Variants in NTM observed in about 807,000 individuals in gnomAD.
The protein encoded by NTM is neurotrimin, also known as IgLON family member 2.
A neutral mutation model predicts 42.1 loss-of-function variants in NTM; 13 were observed. That is an observed-to-expected ratio of 0.31 (90% CI 0.20 to 0.49). NTM has a LOEUF of 0.49. Ranked by LOEUF, NTM falls within the 20% of genes least tolerant of loss-of-function variation. The probability of loss-of-function intolerance (pLI) is 0.99; values close to 1 mark genes in which losing one functional copy is unlikely to be tolerated. For synonymous variants in NTM, 187 were observed against 179.2 expected, an observed-to-expected ratio of 1.04 and a Z score of -0.35; for missense variants, 373 against 452.8, an observed-to-expected ratio of 0.82 and a Z score of 1.60.
intron 2 of NTM, 65 bp downstream of exon 2, chr11:131,911,713 G>C: frequency 6.3e-7 from 1 of 1,596,216 alleles, no homozygotes; most frequent in Non-Finnish European, 8.6e-7. Flanking sequence ...GGGCAGGGGT[G>C]CAGGTGTGTG....
intron 1 of NTM, among the ~76,000 whole-genome samples, chr11:131,728,353 C>T (rs952104903): frequency 1.3e-5 from 2 of 152,182 alleles, no homozygotes; most frequent in African/African-American, 4.8e-5. Context: ...GCTACTATGG[C>T]TCACAGAACT....
chr11:132,183,992 G>T (rs958066166), intron 3 of NTM, among the ~76,000 whole-genome samples: 1 of 152,046 alleles, frequency 6.6e-6, no homozygotes, highest in Non-Finnish European at 1.5e-5. Context: ...AAAAAGGACC[G>T]ACCGTGTCTT....
intron 2 of NTM, among the ~76,000 whole-genome samples, chr11:132,090,093 G>A (rs1489449857): frequency 6.6e-6 from 1 of 152,074 alleles, no homozygotes; most frequent in South Asian, 2.1e-4. Context: ...TCACAGACAA[G>A]AAAATGACTT....
At chr11:131,665,601 G>A (rs1273089764) in intron 1 of NTM, among the ~76,000 whole-genome samples, 2 of 152,220 alleles carry the variant, frequency 1.3e-5, no homozygotes, top group African/African-American at 4.8e-5. Context: ...AACTGACACT[G>A]CTGACACATT....
intron 2 of NTM, among the ~76,000 whole-genome samples, chr11:131,945,954 G>A (rs565390453): frequency 1.4e-4 from 22 of 152,286 alleles, no homozygotes; most frequent in Admixed American, 5.2e-4. Flanking sequence ...TGCCTGGTCC[G>A]TAGCAGGGTG....
In NTM at chr11:132,122,133, G is replaced by A. The variant is rs1566218917; in HGVS notation, c.168-24149G>A. 2.0e-5 allele frequency among the ~76,000 whole-genome samples: 3 copies of A among 152,354 alleles called. No individual in the cohort carries two copies. In the East Asian group the frequency reaches 5.8e-4, roughly 29 times the overall value. On this transcript the variant is annotated intron_variant, in intron 2 of 8. Coordinates refer to ENST00000683400, the MANE Select transcript of NTM (RefSeq NM_001352005.2). ...AAAGCTGTAGCAAGCCATTGTGCTA[G>A]GAGCCGTGCACTCGGTGTGGGCCTT...
At chr11:131,595,658 A>G (rs1378843115) in intron 1 of NTM, among the ~76,000 whole-genome samples, 1 of 152,234 alleles carries the variant, frequency 6.6e-6, no homozygotes, top group African/African-American at 2.4e-5. Flanking sequence ...CGGACTCTTC[A>G]CAAACCTCTG....
chr11:131,729,391 A>C (rs770489666), intron 1 of NTM, among the ~76,000 whole-genome samples: 2 of 152,224 alleles, frequency 1.3e-5, no homozygotes, highest in Non-Finnish European at 2.9e-5. Context: ...TTGTTCTGTG[A>C]AAACAAGTTA....
intron 1 of NTM, among the ~76,000 whole-genome samples, chr11:131,779,876 A>T (rs918635721): frequency 1.3e-5 from 2 of 152,194 alleles, no homozygotes; most frequent in African/African-American, 2.4e-5. Flanking sequence ...GGTGATTGGG[A>T]TTAGGAAGAC....
intron 2 of NTM, among the ~76,000 whole-genome samples, chr11:132,107,676 T>C (rs2062587103): frequency 6.6e-6 from 1 of 152,162 alleles, no homozygotes; most frequent in South Asian, 2.1e-4. Context: ...GACTTTTACT[T>C]TTTTTGAATG....
At position 132,260,480 on chromosome 11, in the gene NTM, C is replaced by A. The variant is rs545272118; in HGVS notation, c.527-47209C>A. 2.0e-5 allele frequency among the ~76,000 whole-genome samples: 3 copies of A among 152,104 alleles called. No homozygotes were observed. The East Asian group carries it at 5.8e-4, about 29-fold the overall frequency. ...AGAAAGTTCTAAACTTTGCTTTGGACAGAGGTGCTTCAAAATGTGGATGAT... is the reference window on the plus strand; with the variant it reads ...AGAAAGTTCTAAACTTTGCTTTGGAAAGAGGTGCTTCAAAATGTGGATGAT... On this transcript the variant is annotated intron_variant, in intron 4 of 8. Transcript: ENST00000683400.
At chr11:131,493,940 C>T (rs75703172) in intron 1 of NTM, among the ~76,000 whole-genome samples, 1,596 of 152,232 alleles carry the variant, frequency 0.01, 18 homozygotes, top group African/African-American at 0.035. Flanking sequence ...TGCTTTCATG[C>T]CAAATTTATT....
intron 4 of NTM, among the ~76,000 whole-genome samples, chr11:132,253,050 C>T (rs1167925620): frequency 6.6e-6 from 1 of 152,174 alleles, no homozygotes; most frequent in Non-Finnish European, 1.5e-5. Context: ...CCATAGTAGG[C>T]TCTGTTTTAC....
At chr11:131,714,517 T>C (rs2077489546) in intron 1 of NTM, among the ~76,000 whole-genome samples, 1 of 152,066 alleles carries the variant, frequency 6.6e-6, no homozygotes, top group Non-Finnish European at 1.5e-5. Flanking sequence ...ATTGGGAGAC[T>C]CCCATTCCCT....
intron 1 of NTM, among the ~76,000 whole-genome samples, chr11:131,687,118 A>C (rs577669696): frequency 6.6e-6 from 1 of 152,334 alleles, no homozygotes; most frequent in African/African-American, 2.4e-5. Context: ...GTCAGGGCTC[A>C]GTCCCAGGGC....
intron 2 of NTM, among the ~76,000 whole-genome samples, chr11:131,948,977 A>C (rs1291828279): frequency 6.6e-6 from 1 of 151,822 alleles, no homozygotes; most frequent in Non-Finnish European, 1.5e-5. Flanking sequence ...TTTGACAGCA[A>C]CTCCACGTTT....
chr11:131,864,035 C>A (rs1349099876), intron 1 of NTM, among the ~76,000 whole-genome samples: 1 of 151,892 alleles, frequency 6.6e-6, no homozygotes, highest in Non-Finnish European at 1.5e-5. Context: ...GAGTGCCCAG[C>A]ATAAGAAGTC....
intron 1 of NTM, among the ~76,000 whole-genome samples, chr11:131,883,657 C>T (rs1319076631): frequency 1.3e-5 from 2 of 152,188 alleles, no homozygotes; most frequent in Non-Finnish European, 2.9e-5. Flanking sequence ...TGCACATTCT[C>T]TTTGGCTTAG....
chr11:131,490,455 G>A (rs1441083237), intron 1 of NTM, among the ~76,000 whole-genome samples: 1 of 152,188 alleles, frequency 6.6e-6, no homozygotes, highest in East Asian at 1.9e-4. Context: ...TCATGATTTT[G>A]CAATTTGTGC....
Sources: allele counts gnomAD v4.1 joint callset (sites outside exome capture counted in the v4.1 genomes callset), GRCh38; gene constraint gnomAD v4.1.1; transcripts MANE v1.5; gene names NCBI Gene and HGNC (gene_info 2026-07-23, HGNC 2026-07-21).